SNTG1: variants seen among roughly 807,000 people sequenced by gnomAD.
SNTG1 encodes gamma-1-syntrophin.
Under a neutral mutation model 74.7 loss-of-function variants are expected in SNTG1, and 39 were observed. That is an observed-to-expected ratio of 0.52 (90% CI 0.40 to 0.68). The LOEUF is 0.68. SNTG1 is among the 30% of genes least tolerant of loss of function. The pLI, the probability that SNTG1 is intolerant of heterozygous loss-of-function variation, is 0.00. For missense variants in SNTG1, 685 were observed against 609.5 expected, an observed-to-expected ratio of 1.12 and a Z score of -1.30; for synonymous variants, 254 against 217.1, an observed-to-expected ratio of 1.17 and a Z score of -1.49.
intron 13 of SNTG1, among the ~76,000 whole-genome samples, chr8:50,635,834 T>A (rs568157187): frequency 7.9e-4 from 121 of 152,208 alleles, no homozygotes; most frequent in African/African-American, 2.8e-3. Flanking sequence ...CCTTTACTTT[T>A]ATCTCTGCTC....
intron 1 of SNTG1, among the ~76,000 whole-genome samples, chr8:50,079,381 C>A (rs919771827): frequency 1.3e-5 from 2 of 150,970 alleles, no homozygotes; most frequent in African/African-American, 4.9e-5. Flanking sequence ...CTGTTCATAT[C>A]CTTTGCCCAC....
At chr8:50,446,379 CA>C (rs10679057) in intron 5 of SNTG1, among the ~76,000 whole-genome samples, 26 of 145,812 alleles carry the variant, frequency 1.8e-4, no homozygotes, top group African/African-American at 5.6e-4. Flanking sequence ...AATTTAAAAG[CA>C]AAAAAAAAAA....
intron 1 of SNTG1, among the ~76,000 whole-genome samples, chr8:50,096,926 C>A (rs916803464): frequency 1.3e-5 from 2 of 152,058 alleles, no homozygotes; most frequent in African/African-American, 4.8e-5. Flanking sequence ...ATAATCACTG[C>A]AGGAAAATAC....
At chr8:50,415,089 A>G (rs572704690) in intron 4 of SNTG1, among the ~76,000 whole-genome samples, 27 of 152,300 alleles carry the variant, frequency 1.8e-4, no homozygotes, top group Non-Finnish European at 2.9e-4. Context: ...TGCATAAATA[A>G]TCTTTCTGTG....
In SNTG1 at chr8:50,646,013, C is replaced by T. The variant is rs181565595; in HGVS notation, c.850-10896C>T. Among the ~76,000 whole-genome samples the T allele has an allele frequency of 2.6e-5, 4 of 151,844 alleles. No homozygotes were observed. In the East Asian group the frequency reaches 7.7e-4, roughly 29 times the overall value. ...GCACTTTGTAAAATGTTTTTGTACTCGTTAAAAAAAGAATATTTCCTGTTT... is the reference window on the plus strand; with the variant it reads ...GCACTTTGTAAAATGTTTTTGTACTTGTTAAAAAAAGAATATTTCCTGTTT... On this transcript the variant is annotated intron_variant, in intron 13 of 18. Transcript: ENST00000642720.
At chr8:50,766,308 C>T (rs567383614) in intron 18 of SNTG1, among the ~76,000 whole-genome samples, 1 of 152,104 alleles carries the variant, frequency 6.6e-6, no homozygotes, top group African/African-American at 2.4e-5. Flanking sequence ...TGAGTGATGT[C>T]TAAAAGTACT....
At chr8:50,356,985 G>A (rs77997721) in intron 2 of SNTG1, among the ~76,000 whole-genome samples, 7 of 152,336 alleles carry the variant, frequency 4.6e-5, no homozygotes, top group South Asian at 4.1e-4. Context: ...TAGGGAATGC[G>A]TAACTGGAAG....
chr8:50,321,411 T>C lies in SNTG1; in HGVS notation c.-27-72801T>C, dbSNP rs28822219. ...TATTTTTCCATCCCTTTATTATCAG[T>C]CTATGTGTGTCTTTATATGTGAAGT... is the stretch of plus-strand genomic sequence containing the variant. On this transcript the variant is annotated intron_variant, in intron 2 of 18. Transcript: ENST00000642720. 5.2e-3 allele frequency among the ~76,000 whole-genome samples: 786 copies of C among 152,252 alleles called. 5 individuals carry two copies. Among genetic ancestry groups the C allele is most frequent in the African/African-American group, 0.018 (747 of 41,560 alleles).
chr8:50,624,466 A>G (rs2094944014), intron 13 of SNTG1, among the ~76,000 whole-genome samples: 1 of 152,188 alleles, frequency 6.6e-6, no homozygotes, highest in Non-Finnish European at 1.5e-5. Context: ...ATGGCCCTGG[A>G]TGTCATTTTA....
chr8:50,564,898 A>G (rs77414528), intron 12 of SNTG1, among the ~76,000 whole-genome samples: 5,926 of 152,172 alleles, frequency 0.039, 201 homozygotes, highest in African/African-American at 0.083. Context: ...TGTGTATAGC[A>G]ATCTTCTTCC....
In SNTG1 at chr8:49,952,088, T is replaced by A. The variant is rs62501373; in HGVS notation, c.-103+39857T>A. 3.6e-3 allele frequency among the ~76,000 whole-genome samples: 545 copies of A among 152,226 alleles called. 6 individuals are homozygous for A. Among genetic ancestry groups the A allele is most frequent in the Non-Finnish European group, 5.2e-3 (354 of 68,008 alleles). ...TTTCTGCAAGAAATGTTATTTTAGA[T>A]CTAAATGTTTTTATCATCAACAGAC... On this transcript the variant is annotated intron_variant, in intron 1 of 18. Transcript: ENST00000642720.
chr8:50,356,473 G>T (rs1200013753), intron 2 of SNTG1, among the ~76,000 whole-genome samples: 1 of 152,144 alleles, frequency 6.6e-6, no homozygotes, highest in Non-Finnish European at 1.5e-5. Context: ...CATTTGTGCT[G>T]CTATAACAAA....
At chr8:50,524,807 T>C (rs1176565120) in intron 9 of SNTG1, among the ~76,000 whole-genome samples, 1 of 152,120 alleles carries the variant, frequency 6.6e-6, no homozygotes, top group African/African-American at 2.4e-5. Context: ...ACAGCAGATG[T>C]GAATTTTGGT....
intron 2 of SNTG1, among the ~76,000 whole-genome samples, chr8:50,190,405 C>T (rs2083527573): frequency 6.6e-6 from 1 of 152,102 alleles, no homozygotes; most frequent in Non-Finnish European, 1.5e-5. Flanking sequence ...TATTTTCACT[C>T]AATGTGCCCA....
chr8:50,583,772 T>C (rs995074179), intron 12 of SNTG1, among the ~76,000 whole-genome samples: 9 of 151,850 alleles, frequency 5.9e-5, no homozygotes, highest in Non-Finnish European at 1.3e-4. Context: ...TTTTTTCTTT[T>C]CTTTTTTTTT....
chr8:50,635,290 C>T (rs80276037), intron 13 of SNTG1, among the ~76,000 whole-genome samples: 18 of 152,090 alleles, frequency 1.2e-4, no homozygotes, highest in East Asian at 7.7e-4. Flanking sequence ...GCCACTTTCT[C>T]GCTACTTCCT....
At chr8:50,512,947 T>C (rs1443613205) in intron 9 of SNTG1, among the ~76,000 whole-genome samples, 2 of 152,228 alleles carry the variant, frequency 1.3e-5, no homozygotes, top group African/African-American at 4.8e-5. Context: ...AGCTTTGTTC[T>C]GTTGCTTGTA....
intron 17 of SNTG1, among the ~76,000 whole-genome samples, chr8:50,710,487 A>G (rs1473327665): frequency 6.6e-6 from 1 of 152,206 alleles, no homozygotes; most frequent in East Asian, 1.9e-4. Flanking sequence ...AGAAAAGTCA[A>G]AGTCTGATTT....
At chr8:50,782,506 A>C (rs2095662565) in intron 18 of SNTG1, among the ~76,000 whole-genome samples, 1 of 152,108 alleles carries the variant, frequency 6.6e-6, no homozygotes. Context: ...TTGGCTCCTG[A>C]GGCTTCTGCA....
Sources: gnomAD v4.1 joint callset for allele counts (sites outside exome capture counted in the v4.1 genomes callset) on GRCh38, gnomAD v4.1.1 for gene constraint, MANE v1.5 for transcripts, NCBI Gene and HGNC (gene_info 2026-07-23, HGNC 2026-07-21) for gene names.